Variants in MCC observed in about 807,000 individuals in gnomAD.
The protein encoded by MCC is MCC regulator of Wnt signaling pathway.
Under a neutral mutation model 116.2 loss-of-function variants are expected in MCC, and 90 were observed. The ratio of observed to expected loss-of-function variants is 0.77; its 90% CI spans 0.65 to 0.92. The LOEUF (loss-of-function observed/expected upper bound fraction) is 0.92, where lower values mean the gene tolerates loss of function less well. Ranked by LOEUF, MCC falls within the 40% of genes least tolerant of loss-of-function variation. MCC has a pLI of 0.00. For synonymous variants in MCC, 578 were observed against 510.5 expected, an observed-to-expected ratio of 1.13 and a Z score of -1.78; for missense variants, 1,516 against 1,312.2, an observed-to-expected ratio of 1.16 and a Z score of -2.40.
At chr5:113,485,378 T>G (rs1289397049) in intron 1 of MCC, among the ~76,000 whole-genome samples, 1 of 152,196 alleles carries the variant, frequency 6.6e-6, no homozygotes, top group Non-Finnish European at 1.5e-5. Flanking sequence ...TTCCTGCTCT[T>G]AGTAACAGAA....
chr5:113,156,834 G>A (rs906558268), intron 3 of MCC, among the ~76,000 whole-genome samples: 2 of 152,184 alleles, frequency 1.3e-5, no homozygotes, highest in Non-Finnish European at 2.9e-5. Context: ...TTGGCTGCAA[G>A]CTAACTGTCA....
At position 113,022,892 on chromosome 5, in the gene MCC, C is replaced by CAAAATCTCACCCAGATGTA. The variant is rs1290496711; in HGVS notation, c.*4391_*4409dup. On this transcript the variant is annotated 3_prime_UTR_variant, in exon 19 of 19. Coordinates refer to ENST00000408903, the MANE Select transcript of MCC (RefSeq NM_001085377.2). ...ATGATTTCTTCCTCTTGGTCACATG[C>CAAAATCTCACCCAGATGTA]AAAATCTCACCCAGATGTAATGTGA... 1.4e-4 allele frequency: 21 copies of CAAAATCTCACCCAGATGTA among 152,186 alleles called. No individual in the cohort carries two copies. The highest frequency in any genetic ancestry group is 5.1e-4 in the African/African-American group (21 of 41,438). 9.4% of individuals were successfully genotyped at this position (152,186 alleles called of 1,614,324 possible).
chr5:113,357,504 T>C (rs1043629225), intron 2 of MCC, among the ~76,000 whole-genome samples: 1 of 152,160 alleles, frequency 6.6e-6, no homozygotes, highest in African/African-American at 2.4e-5. Context: ...GTCAGGCAGT[T>C]GTTAAAACTG....
At chr5:113,487,642 T>C (rs1464101088) in intron 1 of MCC, among the ~76,000 whole-genome samples, 1 of 152,226 alleles carries the variant, frequency 6.6e-6, no homozygotes, top group Non-Finnish European at 1.5e-5. Context: ...CCTAGTTTGC[T>C]CCTGAGCGCT....
Position 113,024,015 on chromosome 5 carries a change from A to G in MCC, c.*3287T>C, listed in dbSNP as rs1750351236. The G allele has an allele frequency of 6.8e-6, 1 of 146,584 alleles. No individual in the cohort carries two copies. The highest frequency in any genetic ancestry group is 1.5e-5 in the Non-Finnish European group (1 of 67,340). The allele number at this position is 146,584 out of a possible 1,614,324, so 9.1% of individuals were successfully genotyped here. A position where few individuals can be genotyped will look rare whatever the true frequency, so the allele number is the denominator to read the frequency against. The stretch of plus-strand genomic sequence containing the variant: ...CAGTTAGGAACCAGAAGACTTTCAG[A>G]TAGTTTCATGTTTTCCTTAGAGTGG... On this transcript the variant is annotated 3_prime_UTR_variant, in exon 19 of 19. Transcript: ENST00000408903.
intron 6 of MCC, among the ~76,000 whole-genome samples, chr5:113,114,522 T>C (rs917595963): frequency 1.1e-4 from 13 of 117,296 alleles, no homozygotes; most frequent in Non-Finnish European, 2.1e-4. Context: ...AGTGAGAACA[T>C]GCAACCTTTT....
intron 3 of MCC, among the ~76,000 whole-genome samples, chr5:113,315,561 C>G (rs978189651): frequency 6.6e-6 from 1 of 151,968 alleles, no homozygotes; most frequent in African/African-American, 2.4e-5. Context: ...CCTTCATGTG[C>G]TCCTTTTTAA....
chr5:113,451,912 G>A (rs938963530), intron 1 of MCC, among the ~76,000 whole-genome samples: 1 of 152,222 alleles, frequency 6.6e-6, no homozygotes, highest in African/African-American at 2.4e-5. Context: ...TAGCTGAGCA[G>A]TCCTTTTGCT....
At chr5:113,180,204 G>A (rs1035557796) in intron 3 of MCC, among the ~76,000 whole-genome samples, 4 of 151,932 alleles carry the variant, frequency 2.6e-5, no homozygotes, top group African/African-American at 4.8e-5. Context: ...TTTTTTATTT[G>A]CCATGTTCTC....
At chr5:113,209,553 T>A (rs1467395008) in intron 3 of MCC, among the ~76,000 whole-genome samples, 1 of 152,198 alleles carries the variant, frequency 6.6e-6, no homozygotes, top group Non-Finnish European at 1.5e-5. Flanking sequence ...ATGGCTGCAA[T>A]AATTTTATTG....
At chr5:113,322,252 G>A (rs1767438880) in intron 3 of MCC, among the ~76,000 whole-genome samples, 1 of 152,158 alleles carries the variant, frequency 6.6e-6, no homozygotes, top group Non-Finnish European at 1.5e-5. Flanking sequence ...ACCATCTGGT[G>A]GGGAAAGTCT....
At chr5:113,380,793 G>A (rs538959149) in intron 2 of MCC, among the ~76,000 whole-genome samples, 42 of 152,286 alleles carry the variant, frequency 2.8e-4, no homozygotes, top group African/African-American at 8.7e-4. Flanking sequence ...ATTTAAGCCC[G>A]GTTAAGTGCC....
chr5:113,132,423 C>CACATATAT (rs1561384956), intron 5 of MCC, among the ~76,000 whole-genome samples: 1 of 130,190 alleles, frequency 7.7e-6, no homozygotes, highest in African/African-American at 3.2e-5. Context: ...TATATACACA[C>CACATATAT]ATACATATAT....
At chr5:113,188,870 T>C (rs990752497) in intron 3 of MCC, among the ~76,000 whole-genome samples, 1 of 152,186 alleles carries the variant, frequency 6.6e-6, no homozygotes, top group African/African-American at 2.4e-5. Flanking sequence ...TCTAAGCTTA[T>C]CTAACTACAA....
intron 1 of MCC, among the ~76,000 whole-genome samples, chr5:113,431,442 T>A (rs1484415296): frequency 6.6e-6 from 1 of 152,118 alleles, no homozygotes; most frequent in Non-Finnish European, 1.5e-5. Context: ...TTGATTAGCA[T>A]CTCACCCTAC....
At chr5:113,302,342 A>G (rs1368682857) in intron 3 of MCC, among the ~76,000 whole-genome samples, 1 of 152,222 alleles carries the variant, frequency 6.6e-6, no homozygotes, top group African/African-American at 2.4e-5. Context: ...AAGTAAGCAA[A>G]TGAGAAACCA....
chr5:113,078,471 G>A (rs1754614500), intron 11 of MCC, among the ~76,000 whole-genome samples: 1 of 152,172 alleles, frequency 6.6e-6, no homozygotes, highest in Non-Finnish European at 1.5e-5. Flanking sequence ...GATCAAGTGG[G>A]CTTCATCCCT....
At chr5:113,029,358 T>C (rs571035582) in intron 17 of MCC, among the ~76,000 whole-genome samples, 51 of 150,706 alleles carry the variant, frequency 3.4e-4, no homozygotes, top group African/African-American at 1.1e-3. Flanking sequence ...CTTTCTACTA[T>C]TGGCATACCA....
At chr5:113,086,607 A>T (rs1030486737) in intron 8 of MCC, among the ~76,000 whole-genome samples, 4 of 152,224 alleles carry the variant, frequency 2.6e-5, no homozygotes, top group African/African-American at 9.6e-5. Context: ...CTCTATAGTT[A>T]CAACTCTGTG....
Sources: gnomAD v4.1 joint callset for allele counts (sites outside exome capture counted in the v4.1 genomes callset) on GRCh38, gnomAD v4.1.1 for gene constraint, MANE v1.5 for transcripts, NCBI Gene and HGNC (gene_info 2026-07-23, HGNC 2026-07-21) for gene names.